The following BLM variants were observed in gnomAD, a reference collection of about 807,000 sequenced individuals.
BLM encodes recQ-like DNA helicase BLM.
BLM carries 95 observed loss-of-function variants against 135.3 expected under a neutral mutation model. That is an observed-to-expected ratio of 0.70 (90% CI 0.59 to 0.83). The LOEUF (loss-of-function observed/expected upper bound fraction) is 0.83, where lower values mean the gene tolerates loss of function less well. Among genes scored for constraint, BLM ranks in the 40% least tolerant of loss-of-function variants. The probability of loss-of-function intolerance (pLI) is 0.00; values close to 1 mark genes in which losing one functional copy is unlikely to be tolerated. For synonymous variants in BLM, 520 were observed against 589.2 expected (o/e 0.88, Z 1.70); for missense variants, 1,518 against 1,663.9 (o/e 0.91, Z 1.53).
At chr15:90,735,835 A>T (rs1895200933) in intron 1 of BLM, among the ~76,000 whole-genome samples, 1 of 152,176 alleles carries the variant, frequency 6.6e-6, no homozygotes, top group Non-Finnish European at 1.5e-5. Context: ...AAAACACCAT[A>T]AGCAAATTTA....
chr15:90,717,952 G>C (rs1160051477), intron 1 of BLM, among the ~76,000 whole-genome samples: 4 of 152,218 alleles, frequency 2.6e-5, no homozygotes, highest in African/African-American at 9.6e-5. Context: ...GCAAAGCGAA[G>C]TGCTTAAGAA....
At chr15:90,780,410 A>G (rs1176093401) in intron 12 of BLM, among the ~76,000 whole-genome samples, 2 of 152,186 alleles carry the variant, frequency 1.3e-5, no homozygotes, top group Middle Eastern at 3.4e-3. Context: ...ATTAGAGACG[A>G]GGGTCTCACT....
chr15:90,788,613 C>T (rs576132856), intron 14 of BLM, among the ~76,000 whole-genome samples: 1 of 151,172 alleles, frequency 6.6e-6, no homozygotes, highest in South Asian at 2.1e-4. Flanking sequence ...CACTAGTTTG[C>T]AGTACATTAT....
chr15:90,808,653 G>A, intron 19 of BLM: 1 of 204,798 alleles, frequency 4.9e-6, no homozygotes, highest in Non-Finnish European at 1.0e-5. Context: ...GGGAAAGAGT[G>A]GAGGAAGAAA....
chr15:90,789,975 G>A (rs551637011), intron 14 of BLM, among the ~76,000 whole-genome samples: 5 of 128,930 alleles, frequency 3.9e-5, no homozygotes, highest in East Asian at 5.1e-4. Context: ...TCTAAGATCC[G>A]CAGTCCCTGG....
At position 90,767,842 on chromosome 15, in the gene BLM, T is replaced by A. The variant is rs775160009; in HGVS notation, c.2307+819T>A. On this transcript the variant is annotated intron_variant, in intron 10 of 21. Transcript: ENST00000355112. ...ACCCACAAGTTTTAGTATCCATTGATGATTCTTCCCCAAATCAGTTATTAC... is the reference window on the plus strand; with the variant it reads ...ACCCACAAGTTTTAGTATCCATTGAAGATTCTTCCCCAAATCAGTTATTAC... Among the ~76,000 whole-genome samples the A allele has an allele frequency of 5.3e-5, 8 of 152,366 alleles. No individual in the cohort carries two copies. In the South Asian group the frequency reaches 6.2e-4, roughly 12 times the overall value.
intron 12 of BLM, among the ~76,000 whole-genome samples, chr15:90,772,752 G>A (rs998933061): frequency 1.2e-4 from 19 of 152,128 alleles, no homozygotes; most frequent in African/African-American, 4.6e-4. Flanking sequence ...TTACAAGGAG[G>A]GGTCAGATCA....
chr15:90,769,907 C>T (rs141911748), intron 12 of BLM, among the ~76,000 whole-genome samples: 5 of 152,208 alleles, frequency 3.3e-5, no homozygotes, highest in Non-Finnish European at 7.4e-5. Context: ...TATCTATCAT[C>T]CCTGGTATAG....
In BLM at chr15:90,785,700, T is replaced by C. The variant is rs28745030; in HGVS notation, c.2823+619T>C. Among the ~76,000 whole-genome samples the C allele has an allele frequency of 3.9e-3, 596 of 152,100 alleles. 3 individuals are homozygous for C. Among genetic ancestry groups the C allele is most frequent in the African/African-American group, 0.013 (548 of 41,514 alleles). The stretch of plus-strand genomic sequence containing the variant: ...ATGGGATTACAGATGTGCGCCACCA[T>C]GGCCAGCTGATTTTTGTATTTAATA... On this transcript the variant is annotated intron_variant, in intron 14 of 21. Transcript: ENST00000355112.
rs150784889 is a variant in BLM, at chr15:90,798,290, G to A, written c.3311G>A (p.Gly1104Asp). 2.4e-5 allele frequency: 39 copies of A among 1,612,736 alleles called. No homozygotes were observed. Among genetic ancestry groups the A allele is most frequent in the Non-Finnish European group, 3.2e-5 (38 of 1,179,320 alleles). The change falls in exon 17 of 22, where the codon GGT becomes GAT. Residue 1104 changes from glycine (G) to aspartate (D), a missense_variant. Transcript: ENST00000355112. Reference protein sequence around the residue: ...SQGMRNIKHVGPSGRFTMNML... With the variant: ...SQGMRNIKHVDPSGRFTMNML... ...GGAATGAGAAATATAAAACATGTAG[G>A]TCCTTCTGGAAGATTTACTATGAAT...
chr15:90,790,903 A>G (rs1168971151), intron 15 of BLM, 59 bp downstream of exon 15: 8 of 1,491,026 alleles, frequency 5.4e-6, no homozygotes, highest in South Asian at 1.1e-5. Flanking sequence ...ATAGTAGTCT[A>G]CTCCTGCTAT....
Position 90,760,167 on chromosome 15 carries a change from C to T in BLM, c.1108C>T (p.Gln370Ter), listed in dbSNP as rs1895931425. Reference sequence around the variant, plus strand: ...TATAGCTAGACAGATAAGTTTACAGCAGCAGCTTATTCATGTGATGGAGCA... The same window carrying T: ...TATAGCTAGACAGATAAGTTTACAGTAGCAGCTTATTCATGTGATGGAGCA... The part of the protein sequence containing the change: ...DCDARQISLQ[Q>*]QLIHVMEHIC... The change falls in exon 6 of 22, where the codon CAG becomes TAG. Residue 370 changes from glutamine (Q) to a stop codon, truncating the protein, a stop_gained. Coordinates refer to ENST00000355112, the MANE Select transcript of BLM (RefSeq NM_000057.4). LOFTEE classifies it high-confidence loss of function. 1 of 1,610,852 alleles carries T rather than the reference C, an allele frequency of 6.2e-7. No individual in the cohort carries two copies. Among genetic ancestry groups the T allele is most frequent in the South Asian group, 1.1e-5 (1 of 91,014 alleles).
intron 1 of BLM, among the ~76,000 whole-genome samples, chr15:90,741,274 G>A (rs560907778): frequency 5.3e-5 from 8 of 152,158 alleles, no homozygotes; most frequent in African/African-American, 1.2e-4. Context: ...TCAGCACATC[G>A]AAGATATCAT....
chr15:90,760,095 CTTT>C (rs760264310), intron 5 of BLM, 49 bp from the exon 6 acceptor site: 70 of 1,208,198 alleles, frequency 5.8e-5, no homozygotes, highest in Admixed American at 2.3e-4. Context: ...CTAGCCAAGA[CTTT>C]TTTTTTTTTC....
intron 14 of BLM, 85 bp from the exon 15 acceptor site, chr15:90,790,564 A>C: frequency 6.1e-6 from 8 of 1,313,234 alleles, no homozygotes; most frequent in Non-Finnish European, 8.8e-6. Context: ...AAAACAAATG[A>C]TAGAGCTTTT....
In BLM at chr15:90,811,449, GA is replaced by G. The variant is rs28385158; in HGVS notation, c.4076+46del. On this transcript the variant is annotated intron_variant, in intron 21 of 21. Coordinates refer to ENST00000355112, the MANE Select transcript of BLM (RefSeq NM_000057.4). ...TTTTTCAATATAGGGAACAAGGGAA[GA>G]AAGGACAAAAGTGCAACAGCTCTGC... 226 of 1,595,242 alleles carry G rather than the reference GA, an allele frequency of 1.4e-4. 1 individual carries two copies. In the East Asian group the frequency reaches 4.7e-3, roughly 33 times the overall value.
chr15:90,745,709 C>G (rs1895482950), intron 1 of BLM, among the ~76,000 whole-genome samples: 1 of 152,182 alleles, frequency 6.6e-6, no homozygotes, highest in Admixed American at 6.5e-5. Context: ...CTGCTGCCAG[C>G]CACGTGAATA....
At chr15:90,753,461 T>C (rs1188860088) in intron 4 of BLM, among the ~76,000 whole-genome samples, 6 of 152,266 alleles carry the variant, frequency 3.9e-5, no homozygotes, top group Non-Finnish European at 5.9e-5. Context: ...AATGGCTACA[T>C]AATTTATCAA....
chr15:90,783,577 A>C (rs1896668697), intron 13 of BLM, among the ~76,000 whole-genome samples: 1 of 152,200 alleles, frequency 6.6e-6, no homozygotes, highest in Non-Finnish European at 1.5e-5. Flanking sequence ...TAACACACAT[A>C]ATAATAAATA....
Sources: gnomAD v4.1 joint callset for allele counts (sites outside exome capture counted in the v4.1 genomes callset) on GRCh38, gnomAD v4.1.1 for gene constraint, MANE v1.5 for transcripts, NCBI Gene and HGNC (gene_info 2026-07-23, HGNC 2026-07-21) for gene names.